The following ARHGEF33 variants were observed in gnomAD, a reference collection of about 807,000 sequenced individuals.
ARHGEF33 encodes the protein DH and coiled-coil domain-containing protein ENSP00000381780.
ARHGEF33 carries 72 observed loss-of-function variants against 101.9 expected under a neutral mutation model. That is an observed-to-expected ratio of 0.71 (90% confidence interval 0.58 to 0.86). ARHGEF33 has a LOEUF of 0.86. Among genes scored for constraint, ARHGEF33 ranks in the 40% least tolerant of loss-of-function variants. The pLI is 0.00. For missense variants in ARHGEF33, 1,169 were observed against 1,111.3 expected (o/e 1.05, Z -0.74); for synonymous variants, 499 against 442.5 (o/e 1.13, Z -1.60).
intron 2 of ARHGEF33, among the ~76,000 whole-genome samples, chr2:38,908,193 A>T (rs893932565): frequency 6.6e-6 from 1 of 152,150 alleles, no homozygotes; most frequent in African/African-American, 2.4e-5. Flanking sequence ...TTCCACTCAG[A>T]TGAATCCAGG....
At chr2:38,920,232 A>G (rs890263763) in intron 3 of ARHGEF33, among the ~76,000 whole-genome samples, 19 of 152,150 alleles carry the variant, frequency 1.2e-4, no homozygotes, top group Non-Finnish European at 2.6e-4. Flanking sequence ...TGATGCATAC[A>G]GTGTGACACA....
At chr2:38,957,947 A>G (rs1667810957) in intron 14 of ARHGEF33, 87 bp from the exon 15 acceptor site, 1 of 1,449,506 alleles carries the variant, frequency 6.9e-7, no homozygotes, top group African/African-American at 1.4e-5. Context: ...TATCTGAGAC[A>G]TCTCTCTATC....
Position 38,950,926 on chromosome 2 carries a change from T to G in ARHGEF33, c.921-63T>G, listed in dbSNP as rs894494633. The G allele has an allele frequency of 1.7e-5, 26 of 1,490,614 alleles. No homozygotes were observed. The African/African-American group carries it at 2.9e-4, about 17-fold the overall frequency. The allele number at this position is 1,490,614 out of a possible 1,614,324, so 92.3% of individuals were successfully genotyped here. On this transcript the variant is annotated intron_variant, in intron 10 of 17. Coordinates refer to ENST00000409978, the MANE Select transcript of ARHGEF33 (RefSeq NM_001145451.5). Reference sequence around the variant, plus strand: ...GGAGAATGGGCCCTGCTGCATGTATTTTTGTAGGGTCCTTTCTTCTCTACA... The same window carrying G: ...GGAGAATGGGCCCTGCTGCATGTATGTTTGTAGGGTCCTTTCTTCTCTACA...
intron 2 of ARHGEF33, among the ~76,000 whole-genome samples, chr2:38,897,649 A>G (rs1395369045): frequency 2.6e-5 from 4 of 152,226 alleles, no homozygotes; most frequent in Non-Finnish European, 5.9e-5. Context: ...CCTTGGGAGT[A>G]TGGATCCCTG....
In ARHGEF33 at chr2:38,895,719, G is replaced by A. The variant is rs6735132; in HGVS notation, c.-158-58G>A. ...TACAAAATTATAGGAAAAAATGATGGTATAAAATGCAAGGTAGCTATCATT... is the reference window on the plus strand; with the variant it reads ...TACAAAATTATAGGAAAAAATGATGATATAAAATGCAAGGTAGCTATCATT... On this transcript the variant is annotated intron_variant, in intron 1 of 17. Coordinates refer to ENST00000409978, the MANE Select transcript of ARHGEF33 (RefSeq NM_001145451.5). The A allele has an allele frequency of 7.1e-3, 1,074 of 150,442 alleles. 16 individuals carry two copies. The highest frequency in any genetic ancestry group is 0.025 in the African/African-American group (1,004 of 40,972). 9.3% of individuals were successfully genotyped at this position (150,442 alleles called of 1,614,324 possible). A position where few individuals can be genotyped will look rare whatever the true frequency, so the allele number is the denominator to read the frequency against.
chr2:38,898,851 T>A (rs1454835022), intron 2 of ARHGEF33, among the ~76,000 whole-genome samples: 1 of 152,204 alleles, frequency 6.6e-6, no homozygotes, highest in African/African-American at 2.4e-5. Context: ...CTATTTTATG[T>A]GTATAATGTA....
chr2:38,971,099 G>A (rs992850410), intron 17 of ARHGEF33, among the ~76,000 whole-genome samples: 1 of 152,176 alleles, frequency 6.6e-6, no homozygotes, highest in African/African-American at 2.4e-5. Flanking sequence ...GTCTCCTAAA[G>A]CTTTCAAGGA....
At chr2:38,966,268 G>A in intron 17 of ARHGEF33, 123 bp downstream of exon 17, 2 of 1,252,070 alleles carry the variant, frequency 1.6e-6, no homozygotes, top group Non-Finnish European at 2.2e-6. Flanking sequence ...TACAGTGCCT[G>A]CACCCAGTAG....
chr2:38,919,746 C>G (rs1666713987), intron 3 of ARHGEF33, among the ~76,000 whole-genome samples: 1 of 152,204 alleles, frequency 6.6e-6, no homozygotes, highest in African/African-American at 2.4e-5. Context: ...GATTCAACTA[C>G]TAGACATCTA....
chr2:38,902,620 T>C (rs950677448), intron 2 of ARHGEF33, among the ~76,000 whole-genome samples: 3 of 152,142 alleles, frequency 2.0e-5, no homozygotes, highest in Admixed American at 6.5e-5. Context: ...TTATGGTGGG[T>C]GCAGTTTTGT....
intron 10 of ARHGEF33, among the ~76,000 whole-genome samples, chr2:38,949,325 A>C (rs1020032091): frequency 2.0e-5 from 3 of 152,222 alleles, no homozygotes; most frequent in African/African-American, 7.2e-5. Context: ...TGCTGAAAGC[A>C]TAAAGGAACC....
At chr2:38,892,407 A>G (rs1198091218) in intron 1 of ARHGEF33, among the ~76,000 whole-genome samples, 1 of 106,566 alleles carries the variant, frequency 9.4e-6, no homozygotes, top group Non-Finnish European at 2.2e-5. Flanking sequence ...TGATGCCTAA[A>G]GGTGGGTAAA....
In ARHGEF33 at chr2:38,927,297, C is replaced by T. The variant is rs1212124849; in HGVS notation, c.76-1610C>T. 3.3e-5 allele frequency among the ~76,000 whole-genome samples: 5 copies of T among 152,202 alleles called. No individual in the cohort carries two copies. In the East Asian group the frequency reaches 9.6e-4, roughly 29 times the overall value. On this transcript the variant is annotated intron_variant, in intron 4 of 17. Coordinates refer to ENST00000409978, the MANE Select transcript of ARHGEF33 (RefSeq NM_001145451.5). ...GTATAGTGAGTGGGAGGTGCCATTG[C>T]AGGTGGGAATCATGTGCATGACCTT...
chr2:38,958,271 G>C (rs1667825272), intron 15 of ARHGEF33, 73 bp downstream of exon 15: 1 of 1,516,220 alleles, frequency 6.6e-7, no homozygotes, highest in Non-Finnish European at 8.9e-7. Context: ...GGGTTAGCAG[G>C]GCAGCCTAGA....
chr2:38,957,678 C>T (rs1012051087), intron 14 of ARHGEF33, among the ~76,000 whole-genome samples: 4 of 152,150 alleles, frequency 2.6e-5, no homozygotes, highest in African/African-American at 9.7e-5. Context: ...TTCCTAATGA[C>T]CTGGATTTCC....
chr2:38,911,907 C>T (rs918300428), intron 2 of ARHGEF33, among the ~76,000 whole-genome samples: 11 of 152,010 alleles, frequency 7.2e-5, no homozygotes, highest in African/African-American at 2.7e-4. Context: ...AAGTGCTTCC[C>T]CCAAAGCTGT....
intron 8 of ARHGEF33, 23 bp from the exon 9 acceptor site, chr2:38,937,312 C>CGGGGGGGGGGGCGGGGGG: frequency 1.7e-6 from 1 of 583,332 alleles, no homozygotes; most frequent in Non-Finnish European, 3.0e-6. Flanking sequence ...TTTGTTTCCC[C>CGGGGGGGGGGGCGGGGGG]GCCCCTCCCC....
chr2:38,953,120 G>C (rs80092341), intron 11 of ARHGEF33, 42 bp from the exon 12 acceptor site: 20,388 of 907,676 alleles, frequency 0.022, 704 homozygotes, highest in African/African-American at 0.13. Context: ...TATAGATCCT[G>C]TTTTCAGGTT....
At chr2:38,950,188 T>C (rs1222945422) in intron 10 of ARHGEF33, among the ~76,000 whole-genome samples, 1 of 152,130 alleles carries the variant, frequency 6.6e-6, no homozygotes, top group Non-Finnish European at 1.5e-5. Flanking sequence ...ACCCTACAAC[T>C]CCCTGAGCTT....
Sources: allele counts gnomAD v4.1 joint callset (sites outside exome capture counted in the v4.1 genomes callset), GRCh38; gene constraint gnomAD v4.1.1; transcripts MANE v1.5; gene names NCBI Gene and HGNC (gene_info 2026-07-23, HGNC 2026-07-21).